SLC9A1: variants seen among roughly 807,000 people sequenced by gnomAD.
SLC9A1 encodes the protein sodium/hydrogen exchanger 1.
Under a neutral mutation model 67.9 loss-of-function variants are expected in SLC9A1, and 22 were observed. The ratio of observed to expected loss-of-function variants is 0.32; its 90% CI spans 0.23 to 0.46. SLC9A1 has a LOEUF of 0.46. Among genes scored for constraint, SLC9A1 ranks in the 20% least tolerant of loss-of-function variants. The pLI is 1.00. For missense variants in SLC9A1, 686 were observed against 1,094.8 expected, an observed-to-expected ratio of 0.63 and a Z score of 5.27; for synonymous variants, 421 against 471.8, an observed-to-expected ratio of 0.89 and a Z score of 1.40.
intron 1 of SLC9A1, among the ~76,000 whole-genome samples, chr1:27,125,370 T>G (rs2083336133): frequency 7.1e-6 from 1 of 141,476 alleles, no homozygotes; most frequent in African/African-American, 2.6e-5. Flanking sequence ...CTCAGCCACC[T>G]GAGTAGCTGG....
rs977214137 is a variant in SLC9A1 at position 27,103,494 on chromosome 1, A to G, written c.1486-182T>C. On this transcript the variant is annotated intron_variant, in intron 5 of 11. Coordinates refer to ENST00000263980, the MANE Select transcript of SLC9A1 (RefSeq NM_003047.5). ...GCACTTATCTAAAGACAGGTCCTTA[A>G]GGCCTGCTTCTTCCTGGAGACACGG... 3.1e-5 allele frequency: 19 copies of G among 604,544 alleles called. 1 individual carries two copies. In the South Asian group the frequency reaches 3.6e-4, roughly 11 times the overall value. 37.4% of individuals were successfully genotyped at this position (604,544 alleles called of 1,614,324 possible).
chr1:27,110,842 G>A (rs1008394113), intron 2 of SLC9A1, among the ~76,000 whole-genome samples: 8 of 152,168 alleles, frequency 5.3e-5, no homozygotes, highest in African/African-American at 1.7e-4. Context: ...AGACAGCTCT[G>A]CCAGGAAGGA....
At chr1:27,111,328 G>A (rs1011685498) in intron 2 of SLC9A1, among the ~76,000 whole-genome samples, 18 of 152,178 alleles carry the variant, frequency 1.2e-4, no homozygotes, top group Admixed American at 1.1e-3. Context: ...TGGAACTATA[G>A]AGAAACAGAG....
At position 27,107,862 on chromosome 1, in the gene SLC9A1, G is replaced by A. The variant is rs776585606; in HGVS notation, c.1068C>T (p.Leu356=). The A allele has an allele frequency of 6.9e-6, 11 of 1,595,226 alleles. No individual in the cohort carries two copies. Among genetic ancestry groups the A allele is most frequent in the Admixed American group, 1.7e-5 (1 of 57,170 alleles). The change falls in exon 4 of 12, where the codon CTC becomes CTT. Residue 356 remains leucine (L), a synonymous_variant. Coordinates refer to ENST00000263980, the MANE Select transcript of SLC9A1 (RefSeq NM_003047.5). Reference sequence around the variant, plus strand: ...GGCGCATCACCACTCCTGAGGCTATGAGCCTGGAGCAGGAAAGAGCGGGGT... The same window carrying A: ...GGCGCATCACCACTCCTGAGGCTATAAGCCTGGAGCAGGAAAGAGCGGGGT... ...ELFHLSGIMA[L]IASGVVMRPY... is the part of the protein sequence containing the mutation.
At chr1:27,136,705 C>A (rs1222975712) in intron 1 of SLC9A1, among the ~76,000 whole-genome samples, 1 of 152,192 alleles carries the variant, frequency 6.6e-6, no homozygotes, top group Non-Finnish European at 1.5e-5. Flanking sequence ...CCTACACAAT[C>A]CCCGTCCCAA....
At chr1:27,145,005 C>T (rs1035177382) in intron 1 of SLC9A1, among the ~76,000 whole-genome samples, 1 of 149,878 alleles carries the variant, frequency 6.7e-6, no homozygotes, top group Non-Finnish European at 1.5e-5. Context: ...GCTGAGATCT[C>T]GCCACTGCAC....
chr1:27,118,503 A>G lies in SLC9A1; in HGVS notation c.353-4217T>C. ...CTGCATCCCTGCAGAGTCCCCACAA[A>G]GAGCAGGATGCTTGCTGACACCCGG... On this transcript the variant is annotated intron_variant, in intron 1 of 11. Transcript: ENST00000263980. This position sits in a 1 kb window ranked among gnomAD's most constrained non-coding sequence, Gnocchi z 4.3. 6.6e-6 allele frequency among the ~76,000 whole-genome samples: 1 copy of G among 152,148 alleles called. No individual in the cohort carries two copies. The highest frequency in any genetic ancestry group is 1.9e-4 in the East Asian group (1 of 5,178).
Position 27,108,503 on chromosome 1 carries a change from T to C in SLC9A1, c.1065-638A>G, listed in dbSNP as rs533327681. On this transcript the variant is annotated intron_variant, in intron 3 of 11. Coordinates refer to ENST00000263980, the MANE Select transcript of SLC9A1 (RefSeq NM_003047.5). ...GACCAGCTTGGCCAATGTAGTGAAA[T>C]GCAGTCTCTTCTAAAAATACAAAAA... 1.6e-4 allele frequency among the ~76,000 whole-genome samples: 25 copies of C among 152,120 alleles called. No individual in the cohort carries two copies. In the East Asian group the frequency reaches 4.9e-3, roughly 30 times the overall value.
chr1:27,124,153 A>T (rs183220236), intron 1 of SLC9A1, among the ~76,000 whole-genome samples: 3 of 152,198 alleles, frequency 2.0e-5, no homozygotes, highest in African/African-American at 7.2e-5. Flanking sequence ...CAGGTGCTCC[A>T]GGTACCAGTT....
At position 27,099,633 on chromosome 1, in the gene SLC9A1, C is replaced by T. The variant is rs916465678; in HGVS notation, c.*674G>A. 6.5e-6 allele frequency: 1 copy of T among 152,694 alleles called. No individual in the cohort carries two copies. The highest frequency in any genetic ancestry group is 2.4e-5 in the African/African-American group (1 of 41,428). The allele number at this position is 152,694 out of a possible 1,614,324, so 9.5% of individuals were successfully genotyped here. On this transcript the variant is annotated 3_prime_UTR_variant, in exon 12 of 12. Coordinates refer to ENST00000263980, the MANE Select transcript of SLC9A1 (RefSeq NM_003047.5). The stretch of plus-strand genomic sequence containing the variant: ...CCAGTCCTTCCCCTAGCAGCTTCCC[C>T]TGAGGGGCCCAGTGGTCCCCGTGGG...
chr1:27,100,418 G>A lies in SLC9A1; in HGVS notation c.2337C>T (p.Thr779=). The A allele has an allele frequency of 6.2e-7, 1 of 1,610,970 alleles. No individual in the cohort carries two copies. Among genetic ancestry groups the A allele is most frequent in the Middle Eastern group, 1.7e-4 (1 of 6,040 alleles). Residue 779 remains threonine (T), a synonymous_variant, in exon 12 of 12, where the codon ACC becomes ACT. Coordinates refer to ENST00000263980, the MANE Select transcript of SLC9A1 (RefSeq NM_003047.5). The surrounding 1 kb of genome is among the most constrained non-coding windows in gnomAD (Gnocchi z 5.6). ...AGCTGGGGCTGTCACTGGGCGCGGG[G>A]GTGAAGACATCGTCGGTTCCTGGGG... is the stretch of plus-strand genomic sequence containing the variant. ...TSSPGTDDVF[T]PAPSDSPSSQ...
intron 1 of SLC9A1, among the ~76,000 whole-genome samples, chr1:27,151,644 G>GTGAGCCAC (rs1478924144): frequency 1.3e-5 from 2 of 152,180 alleles, no homozygotes; most frequent in African/African-American, 4.8e-5. Context: ...GATTACAGGC[G>GTGAGCCAC]TGAGCCACTG....
Position 27,103,308 on chromosome 1 carries a change from A to G in SLC9A1, c.1490T>C (p.Met497Thr). The G allele has an allele frequency of 6.2e-7, 1 of 1,613,096 alleles. No homozygotes were observed. Among genetic ancestry groups the G allele is most frequent in the Non-Finnish European group, 8.5e-7 (1 of 1,179,176 alleles). ...VIFFTVFVQGMTIRPLVDLLA... is the reference protein window; with the variant it reads ...VIFFTVFVQGTTIRPLVDLLA... The stretch of plus-strand genomic sequence containing the variant: ...CAGGTCTACCAGGGGCCGAATGGTC[A>G]TGCCCTGGGGGGCAGGCAGGTGTCA... Residue 497 changes from methionine to threonine, a missense_variant, in exon 6 of 12, where the codon ATG becomes ACG. By Grantham distance (81) the Met-to-Thr change is moderately conservative. Around this residue, in one of 7 missense-constraint regions of SLC9A1, gnomAD observed 168 missense variants for 375.4 expected, o/e 0.45. Coordinates refer to ENST00000263980, the MANE Select transcript of SLC9A1 (RefSeq NM_003047.5).
At chr1:27,119,373 C>G (rs756723862) in intron 1 of SLC9A1, among the ~76,000 whole-genome samples, 6 of 152,164 alleles carry the variant, frequency 3.9e-5, no homozygotes, top group Non-Finnish European at 5.9e-5. Context: ...ACCAGGGACC[C>G]AGGGGCACAC....
chr1:27,130,257 C>A (rs901930878), intron 1 of SLC9A1, among the ~76,000 whole-genome samples: 17 of 152,342 alleles, frequency 1.1e-4, no homozygotes, highest in South Asian at 4.1e-4. Flanking sequence ...CCCGCCACCA[C>A]ACTCGGTTAA....
chr1:27,136,625 G>A (rs2083421964), intron 1 of SLC9A1, among the ~76,000 whole-genome samples: 1 of 152,078 alleles, frequency 6.6e-6, no homozygotes, highest in African/African-American at 2.4e-5. Flanking sequence ...CCCCTCTGAA[G>A]GGAGCCACCA....
At position 27,102,665 on chromosome 1, in the gene SLC9A1, C is replaced by T; in HGVS notation, c.1646+8G>A. 1 of 1,613,528 alleles carries T rather than the reference C, an allele frequency of 6.2e-7. No homozygotes were observed. The highest frequency in any genetic ancestry group is 8.5e-7 in the Non-Finnish European group (1 of 1,179,806). On this transcript the variant is annotated splice_region_variant and intron_variant, in intron 7 of 11. Coordinates refer to ENST00000263980, the MANE Select transcript of SLC9A1 (RefSeq NM_003047.5). ...CCTCCCTGCCTGCCCACCAGGCCTGCCACCTACTTGTCCTTCCAGTGGTGG... is the reference window on the plus strand; with the variant it reads ...CCTCCCTGCCTGCCCACCAGGCCTGTCACCTACTTGTCCTTCCAGTGGTGG...
chr1:27,147,318 A>G (rs1288777724), intron 1 of SLC9A1, among the ~76,000 whole-genome samples: 2 of 148,756 alleles, frequency 1.3e-5, no homozygotes, highest in Admixed American at 6.7e-5. Flanking sequence ...AAAAAAAAAA[A>G]AAAGAAAAGA....
intron 1 of SLC9A1, among the ~76,000 whole-genome samples, chr1:27,131,948 ATAT>A (rs372030949): frequency 0.091 from 8,264 of 91,254 alleles, 731 homozygotes; most frequent in South Asian, 0.27. Flanking sequence ...GAAAAAAAAA[ATAT>A]ATATATATAT....
Sources: allele counts gnomAD v4.1 joint callset (sites outside exome capture counted in the v4.1 genomes callset), GRCh38; gene constraint gnomAD v4.1.1; regional missense constraint gnomAD v4.1.1; non-coding constraint Gnocchi (gnomAD v3.1); transcripts MANE v1.5; gene names NCBI Gene and HGNC (gene_info 2026-07-23, HGNC 2026-07-21).